GUCY2C: variants seen among roughly 807,000 people sequenced by gnomAD.
GUCY2C encodes guanylate cyclase 2C.
In GUCY2C, 118 loss-of-function variants were observed where a neutral mutation model predicts 131.1. That is an observed-to-expected ratio of 0.90 (90% CI 0.78 to 1.05). The LOEUF is 1.05. Ranked by LOEUF, GUCY2C falls within the 50% of genes least tolerant of loss-of-function variation. The pLI, the probability that GUCY2C is intolerant of heterozygous loss-of-function variation, is 0.00. For missense variants in GUCY2C, 1,161 were observed against 1,304.4 expected, an observed-to-expected ratio of 0.89 and a Z score of 1.69; for synonymous variants, 452 against 457.8, an observed-to-expected ratio of 0.99 and a Z score of 0.16.
chr12:14,617,562 A>G (rs1028011093), intron 24 of GUCY2C, among the ~76,000 whole-genome samples: 1 of 152,082 alleles, frequency 6.6e-6, no homozygotes, highest in Non-Finnish European at 1.5e-5. Flanking sequence ...AGGGGTCTTG[A>G]TTTTCTCAAA....
chr12:14,633,317 G>C (rs7310621), intron 19 of GUCY2C, among the ~76,000 whole-genome samples: 72,550 of 151,942 alleles, frequency 0.48, 18,523 homozygotes, highest in East Asian at 0.71. Context: ...ACTCACAGAT[G>C]AGTAAATTAT....
chr12:14,669,841 A>ATCCTTTTTCTTTTTT lies in GUCY2C; in HGVS notation c.1171-9_1171-8insAAAAAAGAAAAAGGA. The ATCCTTTTTCTTTTTT allele has an allele frequency of 7.9e-7, 1 of 1,263,454 alleles. No homozygotes were observed. The highest frequency in any genetic ancestry group is 1.1e-6 in the Non-Finnish European group (1 of 886,298). 78.3% of individuals were successfully genotyped at this position (1,263,454 alleles called of 1,614,324 possible). On this transcript the variant is annotated splice_polypyrimidine_tract_variant and intron_variant, in intron 9 of 26. Transcript: ENST00000261170. ...GGTCAAAAGAACCTTGTACTGTGTC[A>ATCCTTTTTCTTTTTT]GGGCACAAAAAAGAAAAAGGATGAA...
chr12:14,641,270 T>C (rs780213004), intron 17 of GUCY2C, 51 bp from the exon 18 acceptor site: 6 of 1,583,664 alleles, frequency 3.8e-6, no homozygotes, highest in South Asian at 2.2e-5. Flanking sequence ...GAGTGGTTCA[T>C]AGGCCTCCAA....
At chr12:14,651,624 C>CAA in intron 14 of GUCY2C, 113 bp from the exon 15 acceptor site, 1 of 652,258 alleles carries the variant, frequency 1.5e-6, no homozygotes, top group South Asian at 1.8e-5. Flanking sequence ...GATGTGTTGT[C>CAA]TTAACAAATT....
Position 14,621,364 on chromosome 12 carries a change from A to G in GUCY2C, c.2602-148T>C, listed in dbSNP as rs1045940720. ...TTACACTTTTTCTGGGGCCAGTTGG[A>G]TCAGTTCTATGCTGATTTCTTCAGG... On this transcript the variant is annotated intron_variant, in intron 22 of 26. Coordinates refer to ENST00000261170, the MANE Select transcript of GUCY2C (RefSeq NM_004963.4). 1.8e-5 allele frequency: 12 copies of G among 664,518 alleles called. No homozygotes were observed. The African/African-American group carries it at 2.0e-4, about 11-fold the overall frequency. The allele number at this position is 664,518 out of a possible 1,614,324, so 41.2% of individuals were successfully genotyped here. A position where few individuals can be genotyped will look rare whatever the true frequency, so the allele number is the denominator to read the frequency against.
chr12:14,675,821 G>A (rs1317746412), intron 7 of GUCY2C, among the ~76,000 whole-genome samples: 1 of 152,156 alleles, frequency 6.6e-6, no homozygotes, highest in Non-Finnish European at 1.5e-5. Flanking sequence ...AGATGGTCAA[G>A]TAATATCCAG....
intron 9 of GUCY2C, among the ~76,000 whole-genome samples, chr12:14,670,245 A>G (rs1423773087): frequency 1.3e-5 from 2 of 152,250 alleles, no homozygotes; most frequent in African/African-American, 2.4e-5. Context: ...AAAGCTCTCA[A>G]GAAAATGCAG....
intron 21 of GUCY2C, among the ~76,000 whole-genome samples, chr12:14,625,468 A>G (rs1374234933): frequency 6.6e-6 from 1 of 151,472 alleles, no homozygotes; most frequent in African/African-American, 2.4e-5. Context: ...GCTGGGACTA[A>G]AGGTGCGCGC....
intron 19 of GUCY2C, among the ~76,000 whole-genome samples, chr12:14,631,055 T>C (rs1947132633): frequency 6.6e-6 from 1 of 152,032 alleles, no homozygotes; most frequent in Non-Finnish European, 1.5e-5. Flanking sequence ...ATACTATTAC[T>C]ATTGAAAAAG....
chr12:14,663,908 A>T (rs1383856546), intron 10 of GUCY2C, among the ~76,000 whole-genome samples: 1 of 152,146 alleles, frequency 6.6e-6, no homozygotes, highest in Non-Finnish European at 1.5e-5. Flanking sequence ...ACATAAATAA[A>T]TTCATATAGA....
intron 19 of GUCY2C, among the ~76,000 whole-genome samples, chr12:14,632,777 T>A (rs1947175761): frequency 6.6e-6 from 1 of 152,098 alleles, no homozygotes; most frequent in Admixed American, 6.5e-5. Flanking sequence ...ACCCTCCCAG[T>A]GCTTCAGCCT....
chr12:14,614,630 G>C (rs940246704), intron 26 of GUCY2C: 7 of 451,008 alleles, frequency 1.6e-5, no homozygotes, highest in African/African-American at 1.3e-4. Flanking sequence ...TTCCAGACAG[G>C]GAAGCCAAGG....
At chr12:14,652,422 G>A (rs1183273849) in intron 13 of GUCY2C, among the ~76,000 whole-genome samples, 5 of 152,050 alleles carry the variant, frequency 3.3e-5, no homozygotes, top group African/African-American at 9.7e-5. Context: ...TGATCCACCC[G>A]CCTCAGCCTC....
intron 6 of GUCY2C, among the ~76,000 whole-genome samples, chr12:14,679,097 A>C (rs1397919021): frequency 6.6e-6 from 1 of 152,250 alleles, no homozygotes; most frequent in Non-Finnish European, 1.5e-5. Context: ...ACCAAAGGCC[A>C]TTAGCAACTG....
intron 1 of GUCY2C, among the ~76,000 whole-genome samples, chr12:14,692,426 A>AT (rs546456685): frequency 0.017 from 2,571 of 151,842 alleles, 91 homozygotes; most frequent in African/African-American, 0.059. Context: ...ACAGATATTT[A>AT]TTTTTTTTGA....
At chr12:14,618,570 G>A (rs1946820572) in intron 24 of GUCY2C, among the ~76,000 whole-genome samples, 1 of 152,132 alleles carries the variant, frequency 6.6e-6, no homozygotes, top group Admixed American at 6.6e-5. Flanking sequence ...GGAGGCCAAG[G>A]TGGAAGGACT....
intron 20 of GUCY2C, 48 bp from the exon 21 acceptor site, chr12:14,625,963 A>G: frequency 9.3e-7 from 1 of 1,075,286 alleles, no homozygotes; most frequent in East Asian, 2.4e-5. Context: ...TTAAGAAAAC[A>G]TGAACATCCA....
In GUCY2C at chr12:14,681,307, G is replaced by T. The variant is rs769307071; in HGVS notation, c.733+49C>A. 3.2e-6 allele frequency: 5 copies of T among 1,549,158 alleles called. No individual in the cohort carries two copies. In the South Asian group the frequency reaches 5.6e-5, roughly 17 times the overall value. On this transcript the variant is annotated intron_variant, in intron 5 of 26. Transcript: ENST00000261170. ...TGAAATGACTTATAAGGAGGTGGTA[G>T]TCATAAAGAAGAAGTTAGCAAAAAA...
intron 25 of GUCY2C, among the ~76,000 whole-genome samples, chr12:14,615,272 T>C (rs548546951): frequency 8.1e-4 from 124 of 152,268 alleles, no homozygotes; most frequent in Non-Finnish European, 7.1e-4. Context: ...AGAAAATTCA[T>C]CTACAATTCT....
Sources: gnomAD v4.1 joint callset for allele counts (sites outside exome capture counted in the v4.1 genomes callset) on GRCh38, gnomAD v4.1.1 for gene constraint, MANE v1.5 for transcripts, NCBI Gene and HGNC (gene_info 2026-07-23, HGNC 2026-07-21) for gene names.